CPEB1: variants seen among roughly 807,000 people sequenced by gnomAD.
CPEB1 encodes the protein cytoplasmic polyadenylation element-binding protein 1.
Under a neutral mutation model 65.8 loss-of-function variants are expected in CPEB1, and 7 were observed. The observed-to-expected ratio is 0.11, with a 90% CI of 0.06 to 0.20. The LOEUF (loss-of-function observed/expected upper bound fraction) is 0.20, where lower values mean the gene tolerates loss of function less well. Ranked by LOEUF, CPEB1 falls within the 10% of genes least tolerant of loss-of-function variation. The pLI, the probability that CPEB1 is intolerant of heterozygous loss-of-function variation, is 1.00. For missense variants in CPEB1, 551 were observed against 712.2 expected (o/e 0.77, Z 2.58); for synonymous variants, 262 against 260.0 (o/e 1.01, Z -0.08).
In CPEB1 at chr15:82,543,469, A is replaced by T. The variant is rs1245798669; in HGVS notation, c.*1123T>A. 1.6e-4 allele frequency: 24 copies of T among 150,814 alleles called. No homozygotes were observed. The highest frequency in any genetic ancestry group is 2.8e-4 in the Non-Finnish European group (19 of 67,684). The allele number at this position is 150,814 out of a possible 1,614,324, so 9.3% of individuals were successfully genotyped here. ...GGTTTTTTGTTTCTTTTTAAAAAAAAAAAAAAAAAAAAAAAGGAAAGAAAA... is the reference window on the plus strand; with the variant it reads ...GGTTTTTTGTTTCTTTTTAAAAAAATAAAAAAAAAAAAAAAGGAAAGAAAA... On this transcript the variant is annotated 3_prime_UTR_variant, in exon 13 of 13. Coordinates refer to ENST00000684509, the MANE Select transcript of CPEB1 (RefSeq NM_001365242.1).
intron 3 of CPEB1, chr15:82,573,334 C>T: frequency 1.6e-6 from 1 of 642,578 alleles, no homozygotes; most frequent in Non-Finnish European, 2.5e-6. Context: ...TTTGTCAAAG[C>T]CTTGTTCATC....
At chr15:82,575,263 A>G (rs2040527288) in intron 3 of CPEB1, among the ~76,000 whole-genome samples, 1 of 152,216 alleles carries the variant, frequency 6.6e-6, no homozygotes, top group Admixed American at 6.5e-5. Context: ...CTGGAACACC[A>G]TATGGGGAGG....
chr15:82,557,588 T>G (rs2037445635), intron 5 of CPEB1, 172 bp downstream of exon 5: 2 of 606,018 alleles, frequency 3.3e-6, no homozygotes, highest in South Asian at 4.2e-5. Context: ...CTCTATCCTG[T>G]TAAGGATGAG....
chr15:82,571,223 T>C, intron 4 of CPEB1, 121 bp downstream of exon 4: 2 of 1,287,172 alleles, frequency 1.6e-6, no homozygotes, highest in Non-Finnish European at 2.1e-6. Context: ...CAGCTCCATG[T>C]TGTATGTGTG....
intron 1 of CPEB1, among the ~76,000 whole-genome samples, chr15:82,643,485 C>T (rs1180314715): frequency 2.0e-5 from 3 of 151,978 alleles, no homozygotes; most frequent in East Asian, 3.9e-4. Context: ...AAAAATTAGC[C>T]GGGCGTGGTG....
intron 4 of CPEB1, among the ~76,000 whole-genome samples, chr15:82,570,761 C>T (rs2039906407): frequency 6.6e-6 from 1 of 152,054 alleles, no homozygotes; most frequent in South Asian, 2.1e-4. Flanking sequence ...GGAGTTACCC[C>T]ACCCCACTCA....
intron 3 of CPEB1, among the ~76,000 whole-genome samples, chr15:82,592,488 G>T (rs1477177295): frequency 6.6e-6 from 1 of 151,630 alleles, no homozygotes; most frequent in African/African-American, 2.4e-5. Flanking sequence ...TGAGGTGGAA[G>T]GATGGCTTGA....
intron 3 of CPEB1, among the ~76,000 whole-genome samples, chr15:82,620,410 G>A (rs968563483): frequency 4.9e-5 from 7 of 141,852 alleles, no homozygotes; most frequent in African/African-American, 1.9e-4. Context: ...GGGCGACAGA[G>A]CAAGACTCTG....
intron 3 of CPEB1, among the ~76,000 whole-genome samples, chr15:82,586,158 G>T (rs1161348017): frequency 1.3e-5 from 2 of 150,920 alleles, no homozygotes; most frequent in African/African-American, 2.4e-5. Flanking sequence ...ATTTCCTTGG[G>T]TAAGTATGCC....
chr15:82,607,599 C>A (rs2043740381), intron 3 of CPEB1, among the ~76,000 whole-genome samples: 1 of 151,836 alleles, frequency 6.6e-6, no homozygotes, highest in South Asian at 2.1e-4. Flanking sequence ...AGGAAAAAAA[C>A]AAAGACACAA....
rs557794205 is a variant in CPEB1 at position 82,554,189 on chromosome 15, A to G, written c.941-198T>C. Among the ~76,000 whole-genome samples the G allele has an allele frequency of 6.6e-5, 10 of 152,340 alleles. No homozygotes were observed. In the South Asian group the frequency reaches 1.9e-3, roughly 28 times the overall value. On this transcript the variant is annotated intron_variant, in intron 6 of 12. Transcript: ENST00000684509. ...CCACTCAGTCAAGTATGATAATCCTACTTTGCTAATTCTGTCCCCACTAAA... is the reference window on the plus strand; with the variant it reads ...CCACTCAGTCAAGTATGATAATCCTGCTTTGCTAATTCTGTCCCCACTAAA...
At chr15:82,647,879 T>C, upstream of CPEB1, 1 of 1,255,588 alleles carries the variant, frequency 8.0e-7, no homozygotes, top group Non-Finnish European at 1.0e-6. Flanking sequence ...ATGGGGCCGG[T>C]GTGGCCCTGC....
chr15:82,610,989 GA>G (rs1298339801), intron 3 of CPEB1, among the ~76,000 whole-genome samples: 2 of 81,256 alleles, frequency 2.5e-5, no homozygotes, highest in African/African-American at 4.6e-5. Flanking sequence ...AAAAAAAAAA[GA>G]AAAAAAGAAA....
chr15:82,646,874 C>G (rs1171681333), intron 1 of CPEB1: 2 of 152,308 alleles, frequency 1.3e-5, no homozygotes, highest in Non-Finnish European at 2.9e-5. Context: ...CGGGCACAGG[C>G]CCGCCCAACC....
chr15:82,579,327 G>A (rs367725674), intron 3 of CPEB1, among the ~76,000 whole-genome samples: 41 of 152,226 alleles, frequency 2.7e-4, no homozygotes, highest in African/African-American at 9.4e-4. Context: ...TGGACATGGT[G>A]GTGTTTGTCT....
At chr15:82,545,531 T>C (rs542264628) in intron 12 of CPEB1, among the ~76,000 whole-genome samples, 4 of 152,342 alleles carry the variant, frequency 2.6e-5, no homozygotes, top group African/African-American at 9.6e-5. Context: ...TGGATACTTG[T>C]TGGACACATG....
At chr15:82,545,192 A>C (rs1406561885) in intron 12 of CPEB1, among the ~76,000 whole-genome samples, 2 of 152,176 alleles carry the variant, frequency 1.3e-5, no homozygotes, top group Non-Finnish European at 2.9e-5. Context: ...GCAAGCCACT[A>C]ATCTCTGAGC....
chr15:82,647,597 G>GC, upstream of CPEB1: 1 of 324,348 alleles, frequency 3.1e-6, no homozygotes, highest in Admixed American at 4.9e-5. Context: ...CGGCTCGGAG[G>GC]CCCCACCGGC....
intron 3 of CPEB1, among the ~76,000 whole-genome samples, chr15:82,605,038 C>T (rs961136603): frequency 5.3e-5 from 8 of 152,124 alleles, no homozygotes; most frequent in Non-Finnish European, 8.8e-5. Flanking sequence ...TTTTCAATAA[C>T]ATTAATAGCT....
Sources: allele counts gnomAD v4.1 joint callset (sites outside exome capture counted in the v4.1 genomes callset), GRCh38; gene constraint gnomAD v4.1.1; transcripts MANE v1.5; gene names NCBI Gene and HGNC (gene_info 2026-07-23, HGNC 2026-07-21).